The following HTR7 variants were observed in gnomAD, a reference collection of about 807,000 sequenced individuals.
The protein encoded by HTR7 is 5-HT-7.
A neutral mutation model predicts 34.0 loss-of-function variants in HTR7; 16 were observed. The observed-to-expected ratio is 0.47, with a 90% CI of 0.32 to 0.71. The LOEUF is 0.71. Among genes scored for constraint, HTR7 ranks in the 30% least tolerant of loss-of-function variants. The pLI is 0.04. For missense variants in HTR7, 504 were observed against 625.5 expected (o/e 0.81, Z 2.07); for synonymous variants, 265 against 260.2 (o/e 1.02, Z -0.18).
At position 90,857,595 on chromosome 10, in the gene HTR7, C is replaced by A; in HGVS notation, c.77G>T (p.Arg26Leu). 2 of 1,596,134 alleles carry A rather than the reference C, an allele frequency of 1.3e-6. No homozygotes were observed. The highest frequency in any genetic ancestry group is 1.7e-6 in the Non-Finnish European group (2 of 1,173,482). Residue 26 changes from arginine (R) to leucine (L), a missense_variant, in exon 1 of 4, where the codon CGC becomes CTC. Around this residue, in one of 4 missense-constraint regions of HTR7, gnomAD observed 139 missense variants for 117.1 expected, o/e 1.19. Coordinates refer to ENST00000336152, the MANE Select transcript of HTR7 (RefSeq NM_019859.4). This position sits in a 1 kb window ranked among gnomAD's most constrained non-coding sequence, Gnocchi z 6.5. Reference protein sequence around the residue: ...LRSFLLPEVGRGLPDLSPDGG... With the variant: ...LRSFLLPEVGLGLPDLSPDGG... ...GTCGGGGCTCAAGTCGGGCAGCCCG[C>A]GCCCCACTTCTGGCAGAAGGAAAGA...
chr10:90,759,893 A>T (rs1844906711), intron 1 of HTR7, among the ~76,000 whole-genome samples: 1 of 152,222 alleles, frequency 6.6e-6, no homozygotes. Flanking sequence ...TACTGCCTAA[A>T]GTTGTAACAT....
At chr10:90,752,001 AT>A (rs1397828661) in intron 1 of HTR7, among the ~76,000 whole-genome samples, 1 of 152,190 alleles carries the variant, frequency 6.6e-6, no homozygotes, top group Non-Finnish European at 1.5e-5. Flanking sequence ...GACACATTAT[AT>A]TTCAATCATG....
intron 1 of HTR7, among the ~76,000 whole-genome samples, chr10:90,852,602 C>G (rs1846517481): frequency 6.6e-6 from 1 of 152,136 alleles, no homozygotes; most frequent in Admixed American, 6.5e-5. Flanking sequence ...ACTCAAATGT[C>G]CATCTACGGT....
chr10:90,752,505 C>T (rs1844753979), intron 1 of HTR7, among the ~76,000 whole-genome samples: 1 of 151,774 alleles, frequency 6.6e-6, no homozygotes, highest in Non-Finnish European at 1.5e-5. Context: ...ATATAACCCC[C>T]AATGAATAAA....
chr10:90,767,527 T>C (rs1008367467), intron 1 of HTR7, among the ~76,000 whole-genome samples: 4 of 152,142 alleles, frequency 2.6e-5, no homozygotes, highest in African/African-American at 7.2e-5. Flanking sequence ...AATATGGCCA[T>C]ATATTCTTTG....
At chr10:90,830,848 A>T (rs1284773398) in intron 1 of HTR7, among the ~76,000 whole-genome samples, 1 of 151,972 alleles carries the variant, frequency 6.6e-6, no homozygotes, top group East Asian at 1.9e-4. Context: ...TGCTCCACAA[A>T]AAAGTTAAAA....
At chr10:90,804,208 C>T (rs1845669297) in intron 1 of HTR7, among the ~76,000 whole-genome samples, 1 of 152,082 alleles carries the variant, frequency 6.6e-6, no homozygotes, top group African/African-American at 2.4e-5. Context: ...ATCCCCTTTC[C>T]AGCTCCCCTT....
At chr10:90,853,061 C>T (rs1048948297) in intron 1 of HTR7, among the ~76,000 whole-genome samples, 6 of 151,904 alleles carry the variant, frequency 3.9e-5, no homozygotes, top group African/African-American at 7.3e-5. Context: ...TATCCACCAC[C>T]GAGATTAAGA....
intron 1 of HTR7, among the ~76,000 whole-genome samples, chr10:90,779,285 C>A (rs540906421): frequency 6.6e-6 from 1 of 152,306 alleles, no homozygotes; most frequent in East Asian, 1.9e-4. Context: ...GAGGGACCAA[C>A]ATCACCAGGA....
intron 1 of HTR7, among the ~76,000 whole-genome samples, chr10:90,772,493 C>T (rs1845131694): frequency 6.6e-6 from 1 of 152,244 alleles, no homozygotes; most frequent in East Asian, 1.9e-4. Context: ...TCAAAGGATG[C>T]TGCTATTTAT....
chr10:90,818,459 T>A lies in HTR7; in HGVS notation c.539+38674A>T, dbSNP rs542276727. 2.7e-5 allele frequency among the ~76,000 whole-genome samples: 4 copies of A among 146,386 alleles called. No homozygotes were observed. The East Asian group carries it at 8.1e-4, about 30-fold the overall frequency. On this transcript the variant is annotated intron_variant, in intron 1 of 3. Transcript: ENST00000336152. ...TGCTTGGGAAGCTGAGGCAGAAGAA[T>A]TGCTTGAACCCAGGAGGTGGAGGTT...
At chr10:90,791,548 G>A (rs1845459748) in intron 1 of HTR7, among the ~76,000 whole-genome samples, 1 of 152,044 alleles carries the variant, frequency 6.6e-6, no homozygotes. Flanking sequence ...AAGCATTTTA[G>A]TTTGTGTGCA....
At chr10:90,759,103 C>T (rs1282807867) in intron 1 of HTR7, among the ~76,000 whole-genome samples, 1 of 150,602 alleles carries the variant, frequency 6.6e-6, no homozygotes, top group Non-Finnish European at 1.5e-5. Flanking sequence ...AGGAGAATTG[C>T]TTGAACCCGG....
chr10:90,758,344 CAA>C (rs58130009), intron 1 of HTR7, among the ~76,000 whole-genome samples: 5 of 51,914 alleles, frequency 9.6e-5, no homozygotes, highest in South Asian at 1.0e-3. Flanking sequence ...GGCTCTGTCT[CAA>C]AAAAAAAAAA....
intron 1 of HTR7, among the ~76,000 whole-genome samples, chr10:90,763,661 C>G (rs1438624494): frequency 6.6e-6 from 1 of 152,184 alleles, no homozygotes; most frequent in Non-Finnish European, 1.5e-5. Context: ...GTTCCCTTCC[C>G]TGTGTCCATG....
chr10:90,806,561 T>C (rs1275243792), intron 1 of HTR7, among the ~76,000 whole-genome samples: 2 of 151,868 alleles, frequency 1.3e-5, no homozygotes, highest in East Asian at 1.9e-4. Context: ...ATCACGCCTC[T>C]GCACTCCAGC....
At chr10:90,833,179 A>T (rs1362282366) in intron 1 of HTR7, among the ~76,000 whole-genome samples, 1 of 152,238 alleles carries the variant, frequency 6.6e-6, no homozygotes, top group Non-Finnish European at 1.5e-5. Context: ...GATATGAACC[A>T]AAGTATACAC....
intron 1 of HTR7, among the ~76,000 whole-genome samples, chr10:90,820,460 C>G (rs1845962211): frequency 6.6e-6 from 1 of 152,150 alleles, no homozygotes; most frequent in South Asian, 2.1e-4. Flanking sequence ...TCCCAGACAT[C>G]CTGATTTACA....
chr10:90,794,197 G>C (rs530279282), intron 1 of HTR7, among the ~76,000 whole-genome samples: 1 of 152,270 alleles, frequency 6.6e-6, no homozygotes, highest in African/African-American at 2.4e-5. Flanking sequence ...CACAGGGTCA[G>C]GATCATCAAT....
Sources: gnomAD v4.1 joint callset for allele counts (sites outside exome capture counted in the v4.1 genomes callset) on GRCh38, gnomAD v4.1.1 for gene constraint, gnomAD v4.1.1 regional missense constraint, Gnocchi (gnomAD v3.1) non-coding constraint, MANE v1.5 for transcripts, NCBI Gene and HGNC (gene_info 2026-07-23, HGNC 2026-07-21) for gene names.